HLTF: variants seen among roughly 807,000 people sequenced by gnomAD.
HLTF encodes the protein DNA-dependent ATPase/E3 ubiquitin-protein ligase HLTF.
Under a neutral mutation model 129.4 loss-of-function variants are expected in HLTF, and 127 were observed. The ratio of observed to expected loss-of-function variants is 0.98; its 90% CI spans 0.85 to 1.14. HLTF has a LOEUF of 1.14. Ranked by LOEUF, HLTF falls within the 50% of genes most tolerant of loss-of-function variation. The probability of loss-of-function intolerance (pLI) is 0.00; values close to 1 mark genes in which losing one functional copy is unlikely to be tolerated. For synonymous variants in HLTF, 332 were observed against 388.8 expected (o/e 0.85, Z 1.72); for missense variants, 1,139 against 1,187.1 (o/e 0.96, Z 0.60).
chr3:149,052,948 T>C (rs2107997034), intron 14 of HLTF, among the ~76,000 whole-genome samples: 1 of 152,332 alleles, frequency 6.6e-6, no homozygotes, highest in Non-Finnish European at 1.5e-5. Context: ...TATATGTATG[T>C]ATGTATCATC....
Position 149,055,474 on chromosome 3 carries a change from A to G in HLTF, c.1376-74T>C, listed in dbSNP as rs375689071. 958 of 919,382 alleles carry G rather than the reference A, an allele frequency of 1.0e-3. 16 individuals carry two copies. In the South Asian group the frequency reaches 0.013, roughly 12 times the overall value. The allele number at this position is 919,382 out of a possible 1,614,324, so 57.0% of individuals were successfully genotyped here. On this transcript the variant is annotated intron_variant, in intron 13 of 24. Coordinates refer to ENST00000310053, the MANE Select transcript of HLTF (RefSeq NM_003071.4). ...TATATGTCAATAAGGAGATGGCAAT[A>G]ATGTGCCTCCATGAAAAGATAAATT...
At position 149,032,178 on chromosome 3, in the gene HLTF, CT is replaced by C; in HGVS notation, c.*41del. ...CTCTGTATTTTTCTCATTTCTAAAA[CT>C]TAAGTATCCAATCAAACTGACCTTA... On this transcript the variant is annotated 3_prime_UTR_variant, in exon 25 of 25. Coordinates refer to ENST00000310053, the MANE Select transcript of HLTF (RefSeq NM_003071.4). 18 of 1,416,988 alleles carry C rather than the reference CT, an allele frequency of 1.3e-5. No individual in the cohort carries two copies. Among genetic ancestry groups the C allele is most frequent in the Non-Finnish European group, 1.7e-5 (18 of 1,055,068 alleles). The allele number at this position is 1,416,988 out of a possible 1,614,324, so 87.8% of individuals were successfully genotyped here. A position where few individuals can be genotyped will look rare whatever the true frequency, so the allele number is the denominator to read the frequency against.
chr3:149,056,280 T>C (rs2059341484), intron 13 of HLTF, among the ~76,000 whole-genome samples: 1 of 152,332 alleles, frequency 6.6e-6, no homozygotes, highest in South Asian at 2.1e-4. Flanking sequence ...GTAACTAATA[T>C]ATTACAACAA....
Position 149,042,147 on chromosome 3 carries a change from A to C in HLTF, c.2197+19T>G. 6.2e-7 allele frequency: 1 copy of C among 1,608,496 alleles called. No homozygotes were observed. On this transcript the variant is annotated intron_variant, in intron 19 of 24. Transcript: ENST00000310053. ...ATCTCTGACAAATACAATGATATGAAGCAATCAAATTTACCTACCTGAGGG... is the reference window on the plus strand; with the variant it reads ...ATCTCTGACAAATACAATGATATGACGCAATCAAATTTACCTACCTGAGGG...
Position 149,055,332 on chromosome 3 carries a change from AGAT to A in HLTF, c.1441_1443del (p.Ile481del). On this transcript the variant is annotated inframe_deletion, in exon 14 of 25. Coordinates refer to ENST00000310053, the MANE Select transcript of HLTF (RefSeq NM_003071.4). The stretch of plus-strand genomic sequence containing the variant: ...CAGTTGCTTAACACAGAAAGCGGAC[AGAT>A]GATCAGTGTTGTTCTTGGTCTCTCC... The A allele has an allele frequency of 6.2e-7, 1 of 1,613,648 alleles. No homozygotes were observed. The highest frequency in any genetic ancestry group is 8.5e-7 in the Non-Finnish European group (1 of 1,179,572).
chr3:149,075,650 G>T (rs1216760884), intron 3 of HLTF, among the ~76,000 whole-genome samples: 2 of 152,190 alleles, frequency 1.3e-5, no homozygotes, highest in Non-Finnish European at 2.9e-5. Flanking sequence ...TTGAACCAAG[G>T]TCTATTTTCT....
chr3:149,066,625 A>G (rs940896029), intron 8 of HLTF, among the ~76,000 whole-genome samples: 5 of 151,934 alleles, frequency 3.3e-5, no homozygotes, highest in African/African-American at 9.7e-5. Context: ...AAACCTTTCT[A>G]CTATAAAACA....
chr3:149,049,026 T>TA, intron 15 of HLTF, 25 bp from the exon 16 acceptor site: 1 of 1,510,500 alleles, frequency 6.6e-7, no homozygotes. Context: ...TTATATGAAT[T>TA]AAAAAACACA....
chr3:149,039,291 T>A, intron 22 of HLTF, 62 bp from the exon 23 acceptor site: 1 of 1,166,726 alleles, frequency 8.6e-7, no homozygotes, highest in Non-Finnish European at 1.1e-6. Flanking sequence ...AAAACAAAGT[T>A]AAGTAACTAC....
chr3:149,040,361 G>A (rs1716023570), intron 20 of HLTF: 2 of 469,012 alleles, frequency 4.3e-6, no homozygotes, highest in African/African-American at 2.0e-5. Context: ...ATAAAGGAGG[G>A]AGCAAAAGTA....
At chr3:149,085,023 T>A in intron 1 of HLTF, 134 bp from the exon 2 acceptor site, 2 of 672,600 alleles carry the variant, frequency 3.0e-6, no homozygotes, top group Non-Finnish European at 5.0e-6. Flanking sequence ...TAATAGTTAC[T>A]CTCGTTAAAG....
chr3:149,076,208 T>G (rs1719342803), intron 2 of HLTF, among the ~76,000 whole-genome samples, 161 bp from the exon 3 acceptor site: 1 of 152,072 alleles, frequency 6.6e-6, no homozygotes. Flanking sequence ...TATTAATATA[T>G]ATTATTATGA....
At chr3:149,074,811 C>G (rs978959149) in intron 3 of HLTF, among the ~76,000 whole-genome samples, 3 of 152,132 alleles carry the variant, frequency 2.0e-5, no homozygotes, top group Non-Finnish European at 4.4e-5. Context: ...CATTTATTTT[C>G]TCTTCAAACT....
intron 3 of HLTF, among the ~76,000 whole-genome samples, chr3:149,075,365 T>C (rs1398957154): frequency 6.6e-6 from 1 of 152,122 alleles, no homozygotes; most frequent in African/African-American, 2.4e-5. Flanking sequence ...CTGGCCAACA[T>C]GGCAAATCTC....
chr3:149,072,766 C>T (rs1718986725), intron 5 of HLTF, among the ~76,000 whole-genome samples: 1 of 152,126 alleles, frequency 6.6e-6, no homozygotes. Flanking sequence ...TTAAATTGAT[C>T]TGCATTAATT....
intron 23 of HLTF, among the ~76,000 whole-genome samples, chr3:149,036,918 C>A (rs1431680389): frequency 6.6e-6 from 1 of 152,142 alleles, no homozygotes. Context: ...CTAAAACGTT[C>A]TGTAAATTTT....
chr3:149,079,123 G>T (rs1719650349), intron 2 of HLTF, among the ~76,000 whole-genome samples: 1 of 151,836 alleles, frequency 6.6e-6, no homozygotes, highest in African/African-American at 2.4e-5. Context: ...TCAGAAACTT[G>T]TAATATCAAG....
chr3:149,059,717 C>G lies in HLTF; in HGVS notation c.1375+1G>C, dbSNP rs746113839. 1 of 1,553,926 alleles carries G rather than the reference C, an allele frequency of 6.4e-7. No homozygotes were observed. Among genetic ancestry groups the G allele is most frequent in the East Asian group, 2.3e-5 (1 of 43,862 alleles). ...ACTAGAAAACAAGGATATTTACTGA[C>G]CCTTTTTCAACATTTTCTTTTTTGT... On this transcript the variant is annotated splice_donor_variant, in intron 13 of 24. Transcript: ENST00000310053. LOFTEE classifies it high-confidence loss of function.
intron 10 of HLTF, among the ~76,000 whole-genome samples, chr3:149,061,729 A>G (rs956461749): frequency 1.3e-5 from 2 of 151,230 alleles, no homozygotes; most frequent in Admixed American, 6.6e-5. Flanking sequence ...CTAGCTGCTC[A>G]GGAGGCTGAG....
Sources: allele counts gnomAD v4.1 joint callset (sites outside exome capture counted in the v4.1 genomes callset), GRCh38; gene constraint gnomAD v4.1.1; transcripts MANE v1.5; gene names NCBI Gene and HGNC (gene_info 2026-07-23, HGNC 2026-07-21).